Variants in CEP128 observed in about 807,000 individuals in gnomAD.
CEP128 encodes the protein centrosomal protein 128.
CEP128 carries 132 observed loss-of-function variants against 156.7 expected under a neutral mutation model. That is an observed-to-expected ratio of 0.84 (90% CI 0.73 to 0.97). CEP128 has a LOEUF of 0.97. Ranked by LOEUF, CEP128 falls within the 50% of genes least tolerant of loss-of-function variation. The probability of loss-of-function intolerance (pLI) is 0.00; values close to 1 mark genes in which losing one functional copy is unlikely to be tolerated. For synonymous variants in CEP128, 469 were observed against 448.9 expected (o/e 1.04, Z -0.57); for missense variants, 1,252 against 1,281.9 (o/e 0.98, Z 0.36).
intron 8 of CEP128, among the ~76,000 whole-genome samples, chr14:80,882,024 C>A (rs979732635): frequency 6.6e-6 from 1 of 151,954 alleles, no homozygotes; most frequent in African/African-American, 2.4e-5. Context: ...AATAATAAGA[C>A]AAGATAAAGA....
At chr14:80,955,561 C>A (rs1886615436) in intron 2 of CEP128, 3 of 1,217,278 alleles carry the variant, frequency 2.5e-6, no homozygotes, top group Non-Finnish European at 3.6e-6. Flanking sequence ...CCCCTTGGAG[C>A]CCTCCCTCTT....
chr14:80,937,387 G>A (rs772304429), intron 2 of CEP128, among the ~76,000 whole-genome samples: 1 of 152,038 alleles, frequency 6.6e-6, no homozygotes, highest in Non-Finnish European at 1.5e-5. Context: ...AACCTAGGAA[G>A]ATAAAATATT....
At chr14:80,741,267 T>C (rs1327220601) in intron 19 of CEP128, among the ~76,000 whole-genome samples, 1 of 152,194 alleles carries the variant, frequency 6.6e-6, no homozygotes, top group Non-Finnish European at 1.5e-5. Flanking sequence ...GAAAAATTCT[T>C]TGCAATTTCC....
chr14:80,720,349 G>C (rs1897769396), intron 19 of CEP128, among the ~76,000 whole-genome samples: 1 of 152,146 alleles, frequency 6.6e-6, no homozygotes, highest in Admixed American at 6.5e-5. Flanking sequence ...GACAGTAGTT[G>C]AGTGTCACAA....
intron 19 of CEP128, among the ~76,000 whole-genome samples, chr14:80,741,025 C>A (rs1898806322): frequency 6.6e-6 from 1 of 152,060 alleles, no homozygotes; most frequent in Non-Finnish European, 1.5e-5. Context: ...AATTTCAGGC[C>A]ATGTCAATTT....
intron 19 of CEP128, among the ~76,000 whole-genome samples, chr14:80,678,039 A>AT (rs570915275): frequency 2.2e-3 from 84 of 38,356 alleles, no homozygotes; most frequent in African/African-American, 6.1e-3. Flanking sequence ...CAGTTGCTCT[A>AT]TAAAAAAAAA....
chr14:80,829,387 G>C (rs547525617), intron 13 of CEP128, among the ~76,000 whole-genome samples: 7 of 152,242 alleles, frequency 4.6e-5, no homozygotes, highest in South Asian at 2.1e-4. Context: ...CAAACTCAAA[G>C]AACTTTCTGC....
At chr14:80,658,686 T>C (rs937508593) in intron 19 of CEP128, among the ~76,000 whole-genome samples, 1 of 152,184 alleles carries the variant, frequency 6.6e-6, no homozygotes, top group Non-Finnish European at 1.5e-5. Flanking sequence ...TAAAAGTTTA[T>C]AACAGGTACA....
intron 19 of CEP128, among the ~76,000 whole-genome samples, chr14:80,593,333 C>A (rs1363961061): frequency 6.6e-6 from 1 of 151,914 alleles, no homozygotes; most frequent in Admixed American, 6.6e-5. Flanking sequence ...GTCAGGAGAT[C>A]GAGACCATCT....
intron 6 of CEP128, among the ~76,000 whole-genome samples, chr14:80,904,517 AATG>A (rs1883769425): frequency 6.6e-6 from 1 of 152,130 alleles, no homozygotes; most frequent in Non-Finnish European, 1.5e-5. Flanking sequence ...CACCATAAAA[AATG>A]ATAAGCAAGG....
intron 20 of CEP128, among the ~76,000 whole-genome samples, chr14:80,560,070 A>T (rs1480206724): frequency 1.3e-5 from 2 of 152,324 alleles, no homozygotes; most frequent in African/African-American, 4.8e-5. Flanking sequence ...GATCTAAGAA[A>T]ATGAAAAACC....
chr14:80,683,579 A>G (rs1896407264), intron 19 of CEP128, among the ~76,000 whole-genome samples: 2 of 152,196 alleles, frequency 1.3e-5, no homozygotes, highest in South Asian at 4.1e-4. Context: ...GCAAAAAACT[A>G]ACAAATTCTA....
At chr14:80,851,088 G>T (rs1441879880) in intron 9 of CEP128, among the ~76,000 whole-genome samples, 1 of 152,076 alleles carries the variant, frequency 6.6e-6, no homozygotes, top group East Asian at 1.9e-4. Context: ...AATTTACCAA[G>T]AATGTTATAT....
At chr14:80,641,038 A>G (rs8008191) in intron 19 of CEP128, among the ~76,000 whole-genome samples, 131,294 of 152,178 alleles carry the variant, frequency 0.86, 56,724 homozygotes, top group African/African-American at 0.89. Flanking sequence ...ATTAAATTTG[A>G]TTATATAATG....
intron 15 of CEP128, among the ~76,000 whole-genome samples, chr14:80,779,584 C>G (rs1442902033): frequency 6.6e-6 from 1 of 152,178 alleles, no homozygotes; most frequent in Non-Finnish European, 1.5e-5. Flanking sequence ...TAGAAACTGT[C>G]AAAGCCAACT....
intron 19 of CEP128, among the ~76,000 whole-genome samples, chr14:80,621,582 T>C (rs187196418): frequency 4.1e-4 from 62 of 152,250 alleles, no homozygotes; most frequent in Admixed American, 2.6e-3. Flanking sequence ...TACAGTAATA[T>C]ACTAACCAGC....
chr14:80,587,474 T>C (rs956876614), intron 19 of CEP128, among the ~76,000 whole-genome samples: 7 of 152,316 alleles, frequency 4.6e-5, no homozygotes, highest in Admixed American at 1.3e-4. Flanking sequence ...ATGTTTTTCT[T>C]TGATGTTAAT....
chr14:80,683,242 C>A (rs1896393148), intron 19 of CEP128, among the ~76,000 whole-genome samples: 1 of 152,094 alleles, frequency 6.6e-6, no homozygotes, highest in South Asian at 2.1e-4. Flanking sequence ...AGTAACAACA[C>A]CCCTGAGCAC....
intron 19 of CEP128, among the ~76,000 whole-genome samples, chr14:80,675,206 G>C (rs890560389): frequency 6.6e-6 from 1 of 151,968 alleles, no homozygotes; most frequent in Non-Finnish European, 1.5e-5. Context: ...AAAGTGTGTT[G>C]ATGTACATTT....
Sources: gnomAD v4.1 joint callset for allele counts (sites outside exome capture counted in the v4.1 genomes callset) on GRCh38, gnomAD v4.1.1 for gene constraint, MANE v1.5 for transcripts, NCBI Gene and HGNC (gene_info 2026-07-23, HGNC 2026-07-21) for gene names.